Variants in ALAD observed in about 807,000 individuals in gnomAD.
ALAD encodes delta-aminolevulinic acid dehydratase.
A neutral mutation model predicts 44.4 loss-of-function variants in ALAD; 20 were observed. The ratio of observed to expected loss-of-function variants is 0.45; its 90% CI spans 0.32 to 0.65. The LOEUF is 0.65. Ranked by LOEUF, ALAD falls within the 30% of genes least tolerant of loss-of-function variation. The probability of loss-of-function intolerance (pLI) is 0.05; values close to 1 mark genes in which losing one functional copy is unlikely to be tolerated. For synonymous variants in ALAD, 156 were observed against 167.9 expected, an observed-to-expected ratio of 0.93 and a Z score of 0.55; for missense variants, 323 against 445.7, an observed-to-expected ratio of 0.72 and a Z score of 2.48.
chr9:113,389,133 G>A lies in ALAD; in HGVS notation c.802-27C>T, dbSNP rs200713896. The A allele has an allele frequency of 1.9e-6, 3 of 1,613,704 alleles. No individual in the cohort carries two copies. In the East Asian group the frequency reaches 6.7e-5, roughly 36 times the overall value. On this transcript the variant is annotated intron_variant, in intron 10 of 11. Transcript: ENST00000409155. ...TGCAGGGAAGCAGACAGGGAGACAG[G>A]CTGAAATGGAGGGTGGATGTGGCTC...
Position 113,391,622 on chromosome 9 carries a change from A to G in ALAD, c.166T>C (p.Tyr56His), listed in dbSNP as rs1374282957. Reference sequence around the variant, plus strand: ...ATCTCTTCCAGCCGCTTCACACCATACCTGTGTGGGTGTGGGTAGAGGGGT... The same window carrying G: ...ATCTCTTCCAGCCGCTTCACACCATGCCTGTGTGGGTGTGGGTAGAGGGGT... ...PITSLPGVAR[Y>H]GVKRLEEMLR... Residue 56 changes from tyrosine to histidine, a missense_variant and splice_region_variant, in exon 4 of 12, where the codon TAT becomes CAT. Coordinates refer to ENST00000409155, the MANE Select transcript of ALAD (RefSeq NM_000031.6). The G allele has an allele frequency of 9.3e-6, 15 of 1,610,190 alleles. No individual in the cohort carries two copies. The highest frequency in any genetic ancestry group is 1.3e-5 in the Non-Finnish European group (15 of 1,176,552).
At position 113,392,095 on chromosome 9, in the gene ALAD, G is replaced by GC. The variant is rs778061363; in HGVS notation, c.164+23dup. On this transcript the variant is annotated intron_variant, in intron 3 of 11. Transcript: ENST00000409155. ...GAATCTCTCCCTCCACCACCCGCTG[G>GC]CCCCCCAACTCCACGTCTCCTACCT... The GC allele has an allele frequency of 7.5e-6, 12 of 1,590,804 alleles. No individual in the cohort carries two copies. The South Asian group carries it at 1.1e-4, about 15-fold the overall frequency.
intron 1 of ALAD, among the ~76,000 whole-genome samples, chr9:113,395,783 C>A (rs572341605): frequency 6.6e-6 from 1 of 152,300 alleles, no homozygotes; most frequent in Non-Finnish European, 1.5e-5. Context: ...AGGCGCCAGG[C>A]GTAGTGGCTC....
At chr9:113,399,418 G>A (rs1021383257) in intron 1 of ALAD, among the ~76,000 whole-genome samples, 3 of 152,140 alleles carry the variant, frequency 2.0e-5, no homozygotes, top group Admixed American at 6.5e-5. Flanking sequence ...ACCCTTGTGG[G>A]CCACAGGGTT....
intron 11 of ALAD, 90 bp from the exon 12 acceptor site, chr9:113,388,451 A>G (rs903611055): frequency 1.6e-6 from 2 of 1,243,158 alleles, no homozygotes; most frequent in Admixed American, 1.7e-5. Context: ...GCGGGGAAGA[A>G]GGCTACCATG....
intron 1 of ALAD, among the ~76,000 whole-genome samples, chr9:113,394,756 A>G (rs1353648317): frequency 6.6e-6 from 1 of 152,078 alleles, no homozygotes; most frequent in East Asian, 1.9e-4. Context: ...CTACCTCTAG[A>G]GAAAAGTACT....
intron 1 of ALAD, among the ~76,000 whole-genome samples, chr9:113,397,573 C>T (rs921801546): frequency 5.3e-5 from 8 of 150,928 alleles, no homozygotes; most frequent in Admixed American, 2.6e-4. Flanking sequence ...CTGCCCATTT[C>T]GTACTCGATT....
Position 113,390,897 on chromosome 9 carries a change from G to C in ALAD, c.298C>G (p.Pro100Ala). ...AACAGATGGATTGCCTCAATAGCTG[G>C]GGACTCCTCGGAGTCAGCTGCGGAA... ...RGSAADSEES[P>A]AIEAIHLLRK... The change falls in exon 5 of 12, where the codon CCA becomes GCA. Residue 100 changes from proline to alanine, a missense_variant. Physicochemically the swap from Pro to Ala is conservative, Grantham distance 27. Transcript: ENST00000409155. The C allele has an allele frequency of 6.2e-7, 1 of 1,614,150 alleles. No individual in the cohort carries two copies. Among genetic ancestry groups the C allele is most frequent in the Non-Finnish European group, 8.5e-7 (1 of 1,180,024 alleles).
intron 1 of ALAD, chr9:113,396,842 G>C (rs1444513956): frequency 1.3e-5 from 2 of 153,538 alleles, no homozygotes; most frequent in African/African-American, 4.8e-5. Flanking sequence ...AGGGCAGGAA[G>C]AGGGCAGTGG....
intron 1 of ALAD, chr9:113,397,071 A>C (rs1398597219): frequency 6.6e-6 from 1 of 152,222 alleles, no homozygotes; most frequent in Non-Finnish European, 1.5e-5. Context: ...GAGCAAAAGG[A>C]CTAGAACCCT....
At chr9:113,389,142 G>C in intron 10 of ALAD, 36 bp from the exon 11 acceptor site, 2 of 1,613,364 alleles carry the variant, frequency 1.2e-6, no homozygotes, top group Non-Finnish European at 1.7e-6. Context: ...GGCTGAAATG[G>C]AGGGTGGATG....
chr9:113,391,132 G>C (rs569875657), intron 4 of ALAD, among the ~76,000 whole-genome samples, 199 bp from the exon 5 acceptor site: 3 of 152,290 alleles, frequency 2.0e-5, no homozygotes, highest in African/African-American at 7.2e-5. Context: ...GTGGCCCCAG[G>C]GCCAGCACAA....
intron 1 of ALAD, among the ~76,000 whole-genome samples, chr9:113,399,567 T>TGGTTTCATGGAGG (rs1827809103): frequency 6.6e-6 from 1 of 151,902 alleles, no homozygotes; most frequent in South Asian, 2.1e-4. Flanking sequence ...GAGTCAAGGG[T>TGGTTTCATGGAGG]GGTTTCATGG....
At position 113,388,130 on chromosome 9, in the gene ALAD, A is replaced by G. The variant is rs994782982; in HGVS notation, c.*170T>C. The G allele has an allele frequency of 2.4e-5, 17 of 704,316 alleles. No individual in the cohort carries two copies. In the African/African-American group the frequency reaches 2.5e-4, roughly 10 times the overall value. 43.6% of individuals were successfully genotyped at this position (704,316 alleles called of 1,614,324 possible). On this transcript the variant is annotated 3_prime_UTR_variant, in exon 12 of 12. Coordinates refer to ENST00000409155, the MANE Select transcript of ALAD (RefSeq NM_000031.6). ...TCATAGGATGCAGCTGCGAGTTACA[A>G]GAGTTAGCATGCTGGCAAAACCACC...
At chr9:113,397,710 C>T (rs1827769945) in intron 1 of ALAD, among the ~76,000 whole-genome samples, 1 of 150,804 alleles carries the variant, frequency 6.6e-6, no homozygotes, top group East Asian at 1.9e-4. Flanking sequence ...CTGCAACCTC[C>T]ACCTCCTGGG....
rs1484529959 is a variant in ALAD at position 113,392,174 on chromosome 9, A to G, written c.114-5T>C. 2 of 1,613,778 alleles carry G rather than the reference A, an allele frequency of 1.2e-6. No individual in the cohort carries two copies. Among genetic ancestry groups the G allele is most frequent in the African/African-American group, 1.3e-5 (1 of 74,896 alleles). ...TGTATGTCATCAGGAACATCCCTGC[A>G]AGAGCGGGGGTGGGATATGGATTGG... On this transcript the variant is annotated splice_polypyrimidine_tract_variant and splice_region_variant and intron_variant, in intron 2 of 11. Coordinates refer to ENST00000409155, the MANE Select transcript of ALAD (RefSeq NM_000031.6).
chr9:113,393,403 C>T (rs1182782642), intron 2 of ALAD, 44 bp downstream of exon 2: 1 of 1,565,278 alleles, frequency 6.4e-7, no homozygotes, highest in Non-Finnish European at 8.8e-7. Context: ...CAACCCCAAC[C>T]CCAACCAGCA....
chr9:113,400,992 G>A (rs1827838967), intron 1 of ALAD, among the ~76,000 whole-genome samples: 1 of 152,152 alleles, frequency 6.6e-6, no homozygotes, highest in African/African-American at 2.4e-5. Flanking sequence ...GAACCCCAGA[G>A]AAGAGGTGCG....
rs1827538214 is a variant in ALAD at position 113,390,389 on chromosome 9, C to T, written c.570+16G>A. On this transcript the variant is annotated intron_variant, in intron 7 of 11. Coordinates refer to ENST00000409155, the MANE Select transcript of ALAD (RefSeq NM_000031.6). Reference sequence around the variant, plus strand: ...ACTATCTCCTGCCAGCCCTGTGCTGCATTCCCTGCCCTTACCCTGTTGCCA... The same window carrying T: ...ACTATCTCCTGCCAGCCCTGTGCTGTATTCCCTGCCCTTACCCTGTTGCCA... 1 of 1,612,986 alleles carries T rather than the reference C, an allele frequency of 6.2e-7. No individual in the cohort carries two copies. Among genetic ancestry groups the T allele is most frequent in the Non-Finnish European group, 8.5e-7 (1 of 1,179,310 alleles).
Sources: allele counts gnomAD v4.1 joint callset (sites outside exome capture counted in the v4.1 genomes callset), GRCh38; gene constraint gnomAD v4.1.1; transcripts MANE v1.5; gene names NCBI Gene and HGNC (gene_info 2026-07-23, HGNC 2026-07-21).